Variants in CLEC5A observed in about 807,000 individuals in gnomAD.
The protein encoded by CLEC5A is C-type lectin domain containing 5A, also known as C-type lectin domain family 5 member A.
CLEC5A carries 15 observed loss-of-function variants against 24.4 expected under a neutral mutation model. The observed-to-expected ratio is 0.62, with a 90% CI of 0.41 to 0.95. CLEC5A has a LOEUF of 0.95. Ranked by LOEUF, CLEC5A falls within the 40% of genes least tolerant of loss-of-function variation. The probability of loss-of-function intolerance (pLI) is 0.00; values close to 1 mark genes in which losing one functional copy is unlikely to be tolerated. For missense variants in CLEC5A, 211 were observed against 224.0 expected (o/e 0.94, Z 0.37); for synonymous variants, 71 against 72.6 (o/e 0.98, Z 0.11).
chr7:141,928,505 A>G lies in CLEC5A; in HGVS notation c.*1599T>C, dbSNP rs1554439812. 6.6e-6 allele frequency: 1 copy of G among 152,136 alleles called. No individual in the cohort carries two copies. Among genetic ancestry groups the G allele is most frequent in the African/African-American group, 2.4e-5 (1 of 41,396 alleles). The allele number at this position is 152,136 out of a possible 1,614,324, so 9.4% of individuals were successfully genotyped here. On this transcript the variant is annotated 3_prime_UTR_variant, in exon 7 of 7. Coordinates refer to ENST00000546910, the MANE Select transcript of CLEC5A (RefSeq NM_013252.3). ...GGTAGCACTTATCCTTTCCCAACAC[A>G]GTCAGAGAACTTGTATCTCCACCGG...
intron 4 of CLEC5A, among the ~76,000 whole-genome samples, chr7:141,942,540 C>A (rs1390454636): frequency 6.6e-6 from 1 of 152,056 alleles, no homozygotes; most frequent in Non-Finnish European, 1.5e-5. Flanking sequence ...TAATATCCCA[C>A]AAGCACAGGC....
chr7:141,936,730 G>A (rs1802640938), intron 4 of CLEC5A, among the ~76,000 whole-genome samples: 1 of 152,132 alleles, frequency 6.6e-6, no homozygotes, highest in South Asian at 2.1e-4. Context: ...GTGGCCAAGG[G>A]AATGCTTGTG....
chr7:141,943,857 C>T, intron 4 of CLEC5A, 39 bp downstream of exon 4: 1 of 1,337,678 alleles, frequency 7.5e-7, no homozygotes, highest in Non-Finnish European at 1.1e-6. Context: ...TGCATGAGAA[C>T]CTAGGGGATG....
At chr7:141,944,050 G>C (rs1802879805) in intron 3 of CLEC5A, 86 bp from the exon 4 acceptor site, 2 of 801,740 alleles carry the variant, frequency 2.5e-6, no homozygotes, top group Non-Finnish European at 4.5e-6. Context: ...GTGTGACTCT[G>C]AATCATGGAG....
chr7:141,936,987 G>C lies in CLEC5A; in HGVS notation c.209-1037C>G, dbSNP rs112227647. ...AGTGAATCCTCTGTCTTGAAGATAAGTACACAGTCCTGACAGGATCCCTTA... is the reference window on the plus strand; with the variant it reads ...AGTGAATCCTCTGTCTTGAAGATAACTACACAGTCCTGACAGGATCCCTTA... On this transcript the variant is annotated intron_variant, in intron 4 of 6. Transcript: ENST00000546910. Among the ~76,000 whole-genome samples the C allele has an allele frequency of 4.3e-3, 661 of 152,090 alleles. 5 individuals are homozygous for C. Among genetic ancestry groups the C allele is most frequent in the African/African-American group, 0.015 (635 of 41,502 alleles).
At chr7:141,945,257 A>C in intron 3 of CLEC5A, 84 bp downstream of exon 3, 1 of 941,844 alleles carries the variant, frequency 1.1e-6, no homozygotes, top group Non-Finnish European at 1.8e-6. Flanking sequence ...TTTCTTGGGA[A>C]AGGAGGCTGT....
At chr7:141,946,677 A>G (rs1370215460) in intron 1 of CLEC5A, 130 bp downstream of exon 1, 1 of 180,352 alleles carries the variant, frequency 5.5e-6, no homozygotes, top group Non-Finnish European at 1.2e-5. Context: ...AGCCTTCACC[A>G]TACTGACTTA....
intron 4 of CLEC5A, among the ~76,000 whole-genome samples, chr7:141,943,232 C>G (rs536148350): frequency 2.2e-4 from 33 of 152,268 alleles, no homozygotes; most frequent in African/African-American, 7.9e-4. Flanking sequence ...CAATGGAGTA[C>G]TGTTCAACCA....
At chr7:141,935,065 C>T (rs1802579003) in intron 5 of CLEC5A, among the ~76,000 whole-genome samples, 1 of 152,152 alleles carries the variant, frequency 6.6e-6, no homozygotes, top group African/African-American at 2.4e-5. Flanking sequence ...GCATCCAGAT[C>T]CCTTGGTCAT....
At chr7:141,935,739 C>T in intron 5 of CLEC5A, 75 bp downstream of exon 5, 1 of 1,122,900 alleles carries the variant, frequency 8.9e-7, no homozygotes, top group Non-Finnish European at 1.2e-6. Context: ...CCCACTCCCC[C>T]AAGTTTCTAC....
In CLEC5A at chr7:141,931,756, C is replaced by T. The variant is rs781867395; in HGVS notation, c.416G>A (p.Arg139Lys). Residue 139 changes from arginine to lysine, a missense_variant, in exon 6 of 7, where the codon AGG becomes AAG. Transcript: ENST00000546910. ...IGLIYHREEK[R>K]WRWINNSVFN... is the part of the protein sequence containing the mutation. ...CACAGAGTTGTTGATCCAACGCCAC[C>T]TTTTCTCTTCACGATGGTAAATTAA... 1 of 1,603,556 alleles carries T rather than the reference C, an allele frequency of 6.2e-7. No individual in the cohort carries two copies. Among genetic ancestry groups the T allele is most frequent in the Non-Finnish European group, 8.5e-7 (1 of 1,170,500 alleles).
intron 5 of CLEC5A, among the ~76,000 whole-genome samples, chr7:141,933,401 C>A (rs781983070): frequency 1.3e-5 from 2 of 151,544 alleles, no homozygotes; most frequent in Middle Eastern, 3.4e-3. Context: ...AGATGCTCAG[C>A]GTAGTTAGTG....
chr7:141,935,783 T>C (rs1554440988), intron 5 of CLEC5A, 31 bp downstream of exon 5: 1 of 1,609,634 alleles, frequency 6.2e-7, no homozygotes, highest in South Asian at 1.1e-5. Context: ...GTGGAGTGTG[T>C]GGCTTTACTG....
In CLEC5A at chr7:141,928,876, C is replaced by G. The variant is rs1486651469; in HGVS notation, c.*1228G>C. The G allele has an allele frequency of 1.3e-5, 2 of 152,068 alleles. No individual in the cohort carries two copies. The highest frequency in any genetic ancestry group is 2.4e-5 in the African/African-American group (1 of 41,376). 9.4% of individuals were successfully genotyped at this position (152,068 alleles called of 1,614,324 possible). ...TCCTTATGGTTTAATTATTCTTACTCAAAACACAAAAGGCATCTCTTTTCT... is the reference window on the plus strand; with the variant it reads ...TCCTTATGGTTTAATTATTCTTACTGAAAACACAAAAGGCATCTCTTTTCT... On this transcript the variant is annotated 3_prime_UTR_variant, in exon 7 of 7. Coordinates refer to ENST00000546910, the MANE Select transcript of CLEC5A (RefSeq NM_013252.3).
chr7:141,934,612 CGTT>C (rs1428087208), intron 5 of CLEC5A, among the ~76,000 whole-genome samples: 21 of 83,152 alleles, frequency 2.5e-4, no homozygotes, highest in African/African-American at 6.2e-4. Context: ...TTTTCTTTAA[CGTT>C]TTTTTTTTTT....
At chr7:141,939,611 A>T (rs1584850577) in intron 4 of CLEC5A, among the ~76,000 whole-genome samples, 2 of 152,278 alleles carry the variant, frequency 1.3e-5, no homozygotes, top group Non-Finnish European at 2.9e-5. Context: ...ATGTAAATGG[A>T]TTAAACTTTC....
chr7:141,935,948 A>G lies in CLEC5A; in HGVS notation c.211T>C (p.Cys71Arg). Residue 71 changes from cysteine (C) to arginine (R), a missense_variant and splice_region_variant, in exon 5 of 7, where the codon TGC (cysteine) becomes CGC (arginine). Physicochemically the swap from Cys to Arg is radical, Grantham distance 180 (BLOSUM62 -3). Coordinates refer to ENST00000546910, the MANE Select transcript of CLEC5A (RefSeq NM_013252.3). The stretch of plus-strand genomic sequence containing the variant: ...TGATAAAATTCCCAGTCTTTGGGGC[A>G]GACTGAAGAGGTCCAAGAAAGGAGA... The part of the protein sequence containing the change: ...FITTRSYGTV[C>R]PKDWEFYQAR... 1 of 1,613,102 alleles carries G rather than the reference A, an allele frequency of 6.2e-7. No homozygotes were observed. The highest frequency in any genetic ancestry group is 8.5e-7 in the Non-Finnish European group (1 of 1,179,050).
At chr7:141,937,621 C>T (rs1802668705) in intron 4 of CLEC5A, among the ~76,000 whole-genome samples, 1 of 152,178 alleles carries the variant, frequency 6.6e-6, no homozygotes. Context: ...AAGGGGAGGT[C>T]ACAGGCTTGG....
At chr7:141,937,470 A>T (rs1395411889) in intron 4 of CLEC5A, among the ~76,000 whole-genome samples, 2 of 152,084 alleles carry the variant, frequency 1.3e-5, no homozygotes, top group Non-Finnish European at 2.9e-5. Context: ...AGTGGAAAGA[A>T]CTATGTCTCA....
Sources: allele counts gnomAD v4.1 joint callset (sites outside exome capture counted in the v4.1 genomes callset), GRCh38; gene constraint gnomAD v4.1.1; transcripts MANE v1.5; gene names NCBI Gene and HGNC (gene_info 2026-07-23, HGNC 2026-07-21).